The following B3GALT1 variants were observed in gnomAD, a reference collection of about 807,000 sequenced individuals.
B3GALT1 encodes UDP-Gal:betaGlcNAc beta 1,3-galactosyltransferase, polypeptide 1.
Under a neutral mutation model 23.2 loss-of-function variants are expected in B3GALT1, and 10 were observed. The observed-to-expected ratio is 0.43, with a 90% CI of 0.27 to 0.73. B3GALT1 has a LOEUF of 0.73. Among genes scored for constraint, B3GALT1 ranks in the 30% least tolerant of loss-of-function variants. The pLI is 0.21. For synonymous variants in B3GALT1, 156 were observed against 141.5 expected, an observed-to-expected ratio of 1.10 and a Z score of -0.73; for missense variants, 299 against 405.4, an observed-to-expected ratio of 0.74 and a Z score of 2.25.
intron 2 of B3GALT1, among the ~76,000 whole-genome samples, chr2:167,584,304 G>A (rs188671094): frequency 1.3e-5 from 2 of 152,268 alleles, no homozygotes; most frequent in Non-Finnish European, 2.9e-5. Flanking sequence ...ACAGAGATGT[G>A]AGCCCTTTAT....
At chr2:167,759,901 T>G (rs1174662314) in intron 3 of B3GALT1, among the ~76,000 whole-genome samples, 1 of 152,210 alleles carries the variant, frequency 6.6e-6, no homozygotes, top group African/African-American at 2.4e-5. Context: ...CTAGGCTTTT[T>G]GGGGTGTCGT....
chr2:167,641,362 C>T (rs1685649880), intron 2 of B3GALT1, among the ~76,000 whole-genome samples: 1 of 152,116 alleles, frequency 6.6e-6, no homozygotes, highest in Admixed American at 6.6e-5. Context: ...TGAAGGCCAT[C>T]AACGTTATCC....
chr2:167,407,134 T>C (rs192545382), intron 1 of B3GALT1, among the ~76,000 whole-genome samples: 65 of 152,280 alleles, frequency 4.3e-4, no homozygotes, highest in African/African-American at 1.5e-3. Flanking sequence ...AGAAATCATA[T>C]CAAGCATCTT....
chr2:167,736,688 G>A (rs1437303258), intron 3 of B3GALT1, among the ~76,000 whole-genome samples: 1 of 152,112 alleles, frequency 6.6e-6, no homozygotes, highest in African/African-American at 2.4e-5. Flanking sequence ...GATCACTTGA[G>A]GTCAGGAGTT....
intron 2 of B3GALT1, among the ~76,000 whole-genome samples, chr2:167,585,529 A>G (rs545019531): frequency 2.6e-5 from 4 of 152,346 alleles, no homozygotes; most frequent in Middle Eastern, 3.4e-3. Context: ...TAGAATTGCT[A>G]AAATTTAAGA....
intron 1 of B3GALT1, among the ~76,000 whole-genome samples, chr2:167,381,382 A>G (rs1559080538): frequency 6.6e-6 from 1 of 152,092 alleles, no homozygotes; most frequent in African/African-American, 2.4e-5. Flanking sequence ...TTTTCAATGG[A>G]ATTTTATTTC....
chr2:167,561,536 C>G (rs964551043), intron 2 of B3GALT1, among the ~76,000 whole-genome samples: 16 of 151,308 alleles, frequency 1.1e-4, no homozygotes, highest in African/African-American at 3.9e-4. Flanking sequence ...TTGAAAGGAT[C>G]AACAAAATTG....
chr2:167,501,058 T>A (rs1460606376), intron 2 of B3GALT1, among the ~76,000 whole-genome samples: 1 of 152,022 alleles, frequency 6.6e-6, no homozygotes, highest in Non-Finnish European at 1.5e-5. Flanking sequence ...AACGAATCAA[T>A]GAGACAACCA....
chr2:167,672,348 A>G (rs922438981), intron 3 of B3GALT1, among the ~76,000 whole-genome samples: 8 of 152,194 alleles, frequency 5.3e-5, no homozygotes, highest in African/African-American at 1.9e-4. Flanking sequence ...GTACCAAGAA[A>G]GCTAGTACTA....
At position 167,326,782 on chromosome 2, in the gene B3GALT1, C is replaced by T. The variant is rs988793282; in HGVS notation, c.-511+33448C>T. Among the ~76,000 whole-genome samples the T allele has an allele frequency of 5.3e-5, 8 of 152,126 alleles. No homozygotes were observed. The East Asian group carries it at 5.8e-4, about 11-fold the overall frequency. On this transcript the variant is annotated intron_variant, in intron 1 of 4. Transcript: ENST00000392690. ...TGGGCTCACTGCAACCTCCGCCTCC[C>T]GGGTTCAAGCAATTCTCATGCCTCA...
At chr2:167,601,626 G>T (rs577529519) in intron 2 of B3GALT1, among the ~76,000 whole-genome samples, 89 of 152,238 alleles carry the variant, frequency 5.8e-4, no homozygotes, top group African/African-American at 2.1e-3. Flanking sequence ...ACAGGTGAGG[G>T]AACTTCAGTT....
rs12993607 is a variant in B3GALT1 at position 167,715,083 on chromosome 2, C to T, written c.-352+68117C>T. 6.2e-6 allele frequency: 10 copies of T among 1,612,912 alleles called. 1 individual carries two copies. In the South Asian group the frequency reaches 1.1e-4, roughly 18 times the overall value. On this transcript the variant is annotated intron_variant, in intron 3 of 4. Transcript: ENST00000392690. ...ATGTGGTTTCTTTCTCCTTCTAAGG[C>T]TTTTAAAGAAACATTTAAGTTAGCA...
At chr2:167,609,557 C>T (rs1032272389) in intron 2 of B3GALT1, among the ~76,000 whole-genome samples, 15 of 152,104 alleles carry the variant, frequency 9.9e-5, no homozygotes, top group African/African-American at 3.1e-4. Flanking sequence ...GGACAACTTC[C>T]AGTGGTTGTT....
chr2:167,666,727 T>G (rs1274122852), intron 3 of B3GALT1, among the ~76,000 whole-genome samples: 2 of 152,178 alleles, frequency 1.3e-5, no homozygotes, highest in African/African-American at 4.8e-5. Flanking sequence ...TCTCTTTTTA[T>G]CTTTGTTGGT....
chr2:167,526,376 A>C (rs1314744816), intron 2 of B3GALT1, among the ~76,000 whole-genome samples: 1 of 152,148 alleles, frequency 6.6e-6, no homozygotes, highest in Non-Finnish European at 1.5e-5. Context: ...TCTCCATCCA[A>C]CATCCGTTTA....
intron 1 of B3GALT1, among the ~76,000 whole-genome samples, chr2:167,304,648 G>GGA (rs144146057): frequency 5.9e-5 from 9 of 151,504 alleles, no homozygotes; most frequent in Non-Finnish European, 7.4e-5. Flanking sequence ...GACAGAGAGA[G>GGA]GAGAGAGAGA....
At position 167,391,581 on chromosome 2, in the gene B3GALT1, G is replaced by C. The variant is rs116096053; in HGVS notation, c.-511+98247G>C. On this transcript the variant is annotated intron_variant, in intron 1 of 4. Transcript: ENST00000392690. Reference sequence around the variant, plus strand: ...TATAATTTTGCTAAAGCTCCATGTAGATTTACCTGATCTAATAGATTTTTA... The same window carrying C: ...TATAATTTTGCTAAAGCTCCATGTACATTTACCTGATCTAATAGATTTTTA... Among the ~76,000 whole-genome samples, 1,276 of 152,264 alleles carry C rather than the reference G, an allele frequency of 8.4e-3. 15 individuals carry two copies. The highest frequency in any genetic ancestry group is 0.029 in the African/African-American group (1,215 of 41,558).
chr2:167,843,342 G>C (rs533363403), intron 4 of B3GALT1, among the ~76,000 whole-genome samples: 1 of 152,150 alleles, frequency 6.6e-6, no homozygotes, highest in African/African-American at 2.4e-5. Flanking sequence ...GCTCCATTTA[G>C]ACCAGGGCAA....
chr2:167,833,783 C>A (rs1417903268), intron 4 of B3GALT1, among the ~76,000 whole-genome samples: 2 of 152,166 alleles, frequency 1.3e-5, no homozygotes, highest in Non-Finnish European at 2.9e-5. Flanking sequence ...AAAATGACAT[C>A]TTTAAGTAAA....
Sources: allele counts gnomAD v4.1 joint callset (sites outside exome capture counted in the v4.1 genomes callset), GRCh38; gene constraint gnomAD v4.1.1; transcripts MANE v1.5; gene names NCBI Gene and HGNC (gene_info 2026-07-23, HGNC 2026-07-21).